PCDHGA1: variants seen among roughly 807,000 people sequenced by gnomAD.
PCDHGA1 encodes the protein protocadherin gamma subfamily A, 1.
Under a neutral mutation model 58.0 loss-of-function variants are expected in PCDHGA1, and 32 were observed. The ratio of observed to expected loss-of-function variants is 0.55; its 90% CI spans 0.42 to 0.74. The LOEUF (loss-of-function observed/expected upper bound fraction) is 0.74. PCDHGA1 is among the 30% of genes least tolerant of loss of function. PCDHGA1 has a pLI of 0.00. For synonymous variants in PCDHGA1, 498 were observed against 501.1 expected, an observed-to-expected ratio of 0.99 and a Z score of 0.08; for missense variants, 1,205 against 1,182.3, an observed-to-expected ratio of 1.02 and a Z score of -0.28.
In PCDHGA1 at chr5:141,383,199, G is replaced by A. The variant is rs574670513; in HGVS notation, c.2421+50094G>A. The stretch of plus-strand genomic sequence containing the variant: ...GGGAAGAGATCTGCGCTCAGAGTGC[G>A]CGGTGTCTGGTAAACTTTAACATCC... On this transcript the variant is annotated intron_variant, in intron 1 of 3. Transcript: ENST00000517417. 6.2e-6 allele frequency: 10 copies of A among 1,614,040 alleles called. No homozygotes were observed. The East Asian group carries it at 1.8e-4, about 29-fold the overall frequency.
At chr5:141,394,950 G>C in intron 1 of PCDHGA1, 1 of 1,613,848 alleles carries the variant, frequency 6.2e-7, no homozygotes, top group Non-Finnish European at 8.5e-7. Context: ...TGTGCTTCTG[G>C]GGCTCAGGCT....
At chr5:141,336,664 A>G (rs1450227994) in intron 1 of PCDHGA1, among the ~76,000 whole-genome samples, 1 of 152,240 alleles carries the variant, frequency 6.6e-6, no homozygotes, top group East Asian at 1.9e-4. Flanking sequence ...TATTATGTTT[A>G]AGAACTAAAA....
At chr5:141,403,163 A>G (rs1357883715) in intron 1 of PCDHGA1, 1 of 1,614,052 alleles carries the variant, frequency 6.2e-7, no homozygotes, top group Admixed American at 1.7e-5. Context: ...CTCTAGAGGT[A>G]GGACGCAGCT....
At chr5:141,398,314 A>C in intron 1 of PCDHGA1, 1 of 1,348,682 alleles carries the variant, frequency 7.4e-7, no homozygotes, top group Non-Finnish European at 1.0e-6. Context: ...GGAGTTACCG[A>C]CTCGAAAACT....
At chr5:141,352,279 C>T in intron 1 of PCDHGA1, 1 of 1,614,080 alleles carries the variant, frequency 6.2e-7, no homozygotes, top group Non-Finnish European at 8.5e-7. Context: ...ACCTCAGCGA[C>T]CGCCCTGAGC....
At position 141,334,271 on chromosome 5, in the gene PCDHGA1, C is replaced by G. The variant is rs1219093767; in HGVS notation, c.2421+1166C>G. 7 of 152,224 alleles carry G rather than the reference C, an allele frequency of 4.6e-5. No homozygotes were observed. The highest frequency in any genetic ancestry group is 2.6e-4 in the Admixed American group (4 of 15,290). 9.4% of individuals were successfully genotyped at this position (152,224 alleles called of 1,614,324 possible). On this transcript the variant is annotated intron_variant, in intron 1 of 3. Transcript: ENST00000517417. This position sits in a 1 kb window ranked among gnomAD's most constrained non-coding sequence, Gnocchi z 4.6. ...TAAATATCTGGACCAGGCTTACTGC[C>G]TGAATCCAAAATAAGCAATGAGGCC...
intron 1 of PCDHGA1, among the ~76,000 whole-genome samples, chr5:141,380,802 T>C (rs1776746309): frequency 6.6e-6 from 1 of 152,118 alleles, no homozygotes; most frequent in African/African-American, 2.4e-5. Context: ...AAGAAACAAA[T>C]GTGAGATGAA....
At chr5:141,388,887 G>C in intron 1 of PCDHGA1, 1 of 1,613,988 alleles carries the variant, frequency 6.2e-7, no homozygotes, top group Non-Finnish European at 8.5e-7. Context: ...GGAGGTAGAA[G>C]TCATAGATGA....
rs775687808 is a variant in PCDHGA1, at chr5:141,331,472, T to C, written c.788T>C (p.Met263Thr). Residue 263 changes from methionine to threonine, a missense_variant, in exon 1 of 4, where the codon ATG (methionine) becomes ACG (threonine). Transcript: ENST00000517417. Reference protein sequence around the residue: ...ENVPLGTQLLMVNATDPDEGA... With the variant: ...ENVPLGTQLLTVNATDPDEGA... ...GTGCCGCTGGGTACTCAGCTGCTCA[T>C]GGTAAATGCCACTGACCCTGATGAG... The C allele has an allele frequency of 3.7e-6, 6 of 1,614,090 alleles. No homozygotes were observed. The African/African-American group carries it at 5.3e-5, about 14-fold the overall frequency.
intron 1 of PCDHGA1, among the ~76,000 whole-genome samples, chr5:141,424,944 A>G (rs958272371): frequency 2.6e-5 from 4 of 152,108 alleles, no homozygotes; most frequent in African/African-American, 9.7e-5. Context: ...CTCTCACATC[A>G]CTTCTAGGTA....
intron 1 of PCDHGA1, chr5:141,372,532 T>A: frequency 6.2e-7 from 1 of 1,614,022 alleles, no homozygotes; most frequent in East Asian, 2.2e-5. Context: ...GCAATCTCCC[T>A]GCGCCTGCGA....
intron 1 of PCDHGA1, chr5:141,394,390 G>C (rs758609540): frequency 1.2e-6 from 2 of 1,614,100 alleles, no homozygotes; most frequent in Non-Finnish European, 1.7e-6. Context: ...GAGCAGATCC[G>C]AGACCTGCAG....
At chr5:141,376,684 T>TTTTTTTTTTG in intron 1 of PCDHGA1, 1 of 809,294 alleles carries the variant, frequency 1.2e-6, no homozygotes, top group African/African-American at 1.9e-5. Flanking sequence ...TCGTTTTTTT[T>TTTTTTTTTTG]TTTTTTTTTT....
At chr5:141,426,451 C>A in intron 1 of PCDHGA1, 1 of 308,946 alleles carries the variant, frequency 3.2e-6, no homozygotes, top group South Asian at 3.0e-5. Flanking sequence ...GGACATGCGG[C>A]TGCATGTTCA....
Position 141,476,819 on chromosome 5 carries a change from C to T in PCDHGA1, c.2422-17988C>T. ...CAGCCTGCCTATTCACATCAAGGTGCTGGACGCGAATGACAATGCGCCTGT... is the reference window on the plus strand; with the variant it reads ...CAGCCTGCCTATTCACATCAAGGTGTTGGACGCGAATGACAATGCGCCTGT... On this transcript the variant is annotated intron_variant, in intron 1 of 3. Coordinates refer to ENST00000517417, the MANE Select transcript of PCDHGA1 (RefSeq NM_018912.3). The surrounding 1 kb of genome is among the most constrained non-coding windows in gnomAD (Gnocchi z 7.6). 6.2e-7 allele frequency: 1 copy of T among 1,613,524 alleles called. No homozygotes were observed. The highest frequency in any genetic ancestry group is 8.5e-7 in the Non-Finnish European group (1 of 1,180,036).
chr5:141,413,962 AC>A, intron 1 of PCDHGA1: 1 of 1,613,404 alleles, frequency 6.2e-7, no homozygotes, highest in Non-Finnish European at 8.5e-7. Context: ...GCCTGTGGGC[AC>A]TCAGCTGCTG....
chr5:141,384,523 C>T, intron 1 of PCDHGA1: 3 of 1,614,256 alleles, frequency 1.9e-6, no homozygotes, highest in South Asian at 1.1e-5. Context: ...GGACCCGCCT[C>T]TCAGCAGCAA....
At chr5:141,360,214 G>A in intron 1 of PCDHGA1, 7 of 1,613,376 alleles carry the variant, frequency 4.3e-6, no homozygotes, top group Non-Finnish European at 5.9e-6. Flanking sequence ...TTTGTTCCCC[G>A]GGGCTCTCCC....
At chr5:141,338,431 A>G (rs1225630860) in intron 1 of PCDHGA1, among the ~76,000 whole-genome samples, 1 of 152,244 alleles carries the variant, frequency 6.6e-6, no homozygotes, top group Admixed American at 6.5e-5. Flanking sequence ...ACTGCTTCTG[A>G]TTATACAATA....
Sources: allele counts gnomAD v4.1 joint callset (sites outside exome capture counted in the v4.1 genomes callset), GRCh38; gene constraint gnomAD v4.1.1; non-coding constraint Gnocchi (gnomAD v3.1); transcripts MANE v1.5; gene names NCBI Gene and HGNC (gene_info 2026-07-23, HGNC 2026-07-21).